Variants in AKR1C8 observed in about 807,000 individuals in gnomAD.
AKR1C8 encodes the protein aldo-keto reductase family 1 member C-like protein 1.
the AKR1C8 span, among the ~76,000 whole-genome samples, chr10:5,156,966 G>A: frequency 6.6e-5 from 10 of 152,248 alleles, no homozygotes; most frequent in African/African-American, 1.9e-4. Context: ...ATTAATACAA[G>A]GTCCAGAGTG....
chr10:5,180,835 C>A, the AKR1C8 span, among the ~76,000 whole-genome samples: 3 of 152,170 alleles, frequency 2.0e-5, no homozygotes, highest in Admixed American at 6.5e-5. Flanking sequence ...TTAAGCCCGT[C>A]GGAAAAGCGC....
At chr10:5,133,972 GA>G in the AKR1C8 span, among the ~76,000 whole-genome samples, 2 of 152,118 alleles carry the variant, frequency 1.3e-5, no homozygotes, top group Non-Finnish European at 2.9e-5. Flanking sequence ...ACTTTTTTAG[GA>G]AAGATATAAT....
At chr10:5,170,330 C>A in the AKR1C8 span, among the ~76,000 whole-genome samples, 1 of 152,070 alleles carries the variant, frequency 6.6e-6, no homozygotes, top group East Asian at 1.9e-4. Context: ...GTTTTTGAAA[C>A]ATAATTTTCT....
At chr10:5,154,401 T>C in the AKR1C8 span, 4 of 229,256 alleles carry the variant, frequency 1.7e-5, no homozygotes, top group East Asian at 2.1e-4. Context: ...ATCATAAAGA[T>C]ACTTGTTAGT....
the AKR1C8 span, among the ~76,000 whole-genome samples, chr10:5,161,174 C>T: frequency 6.6e-6 from 1 of 152,160 alleles, no homozygotes; most frequent in African/African-American, 2.4e-5. Context: ...CAGGTTCCAT[C>T]CTCCACACAT....
the AKR1C8 span, among the ~76,000 whole-genome samples, chr10:5,124,623 A>G: frequency 6.0e-4 from 92 of 152,326 alleles, no homozygotes; most frequent in Non-Finnish European, 1.0e-3. Context: ...TTTAAACAAT[A>G]CAATTGTAAC....
At chr10:5,162,926 T>G in the AKR1C8 span, 1 of 534,698 alleles carries the variant, frequency 1.9e-6, no homozygotes, top group Admixed American at 1.9e-5. Context: ...CTGTCCAACC[T>G]CCTCCTCATT....
chr10:5,174,132 A>G, the AKR1C8 span, among the ~76,000 whole-genome samples: 1 of 151,908 alleles, frequency 6.6e-6, no homozygotes, highest in Admixed American at 6.6e-5. Flanking sequence ...GGCCCTAGAA[A>G]CTGCACATTT....
the AKR1C8 span, among the ~76,000 whole-genome samples, chr10:5,182,792 C>T: frequency 2.0e-4 from 31 of 151,946 alleles, no homozygotes; most frequent in African/African-American, 7.5e-4. Context: ...CACCTGTAGT[C>T]CCAGCTACTC....
the AKR1C8 span, among the ~76,000 whole-genome samples, chr10:5,120,712 T>C: frequency 6.6e-6 from 1 of 152,196 alleles, no homozygotes; most frequent in Non-Finnish European, 1.5e-5. Context: ...AAATGTCTTC[T>C]CTCAGAATCC....
At chr10:5,172,967 A>T in the AKR1C8 span, among the ~76,000 whole-genome samples, 1 of 152,128 alleles carries the variant, frequency 6.6e-6, no homozygotes, top group Non-Finnish European at 1.5e-5. Flanking sequence ...CTAGGAAAAC[A>T]ATTTTTAGGG....
At chr10:5,146,635 C>T in the AKR1C8 span, among the ~76,000 whole-genome samples, 3 of 152,130 alleles carry the variant, frequency 2.0e-5, no homozygotes, top group Non-Finnish European at 4.4e-5. Flanking sequence ...ATATATGATA[C>T]TTTTGAATAG....
At chr10:5,154,798 C>G in the AKR1C8 span, 28,343 of 152,196 alleles carry the variant, frequency 0.19, 3,623 homozygotes, top group East Asian at 0.63. Context: ...TTAGCCTTCT[C>G]TCTCCTTAGT....
At chr10:5,184,774 G>T in the AKR1C8 span, among the ~76,000 whole-genome samples, 2 of 152,116 alleles carry the variant, frequency 1.3e-5, no homozygotes, top group African/African-American at 4.8e-5. Flanking sequence ...TAGAAATAAA[G>T]ATAATATACC....
At chr10:5,161,708 T>C in the AKR1C8 span, 1 of 533,940 alleles carries the variant, frequency 1.9e-6, no homozygotes, top group South Asian at 1.4e-5. Flanking sequence ...TGAAAGATAC[T>C]CACGAAAGTT....
chr10:5,178,594 G>A, the AKR1C8 span, among the ~76,000 whole-genome samples: 86 of 152,200 alleles, frequency 5.7e-4, 2 homozygotes, highest in Admixed American at 4.2e-3. Flanking sequence ...AAAGTCTCCC[G>A]TTATTATTGT....
the AKR1C8 span, among the ~76,000 whole-genome samples, chr10:5,120,938 G>A: frequency 1.3e-5 from 2 of 152,052 alleles, no homozygotes; most frequent in African/African-American, 4.8e-5. Flanking sequence ...ATATTTCCAA[G>A]CCATGCTAAT....
At chr10:5,165,152 A>T in the AKR1C8 span, among the ~76,000 whole-genome samples, 1 of 152,080 alleles carries the variant, frequency 6.6e-6, no homozygotes, top group Non-Finnish European at 1.5e-5. Flanking sequence ...ATAGGGGGTT[A>T]TTTCACCACG....
the AKR1C8 span, among the ~76,000 whole-genome samples, chr10:5,153,633 G>A: frequency 1.3e-5 from 2 of 152,150 alleles, no homozygotes; most frequent in African/African-American, 4.8e-5. Flanking sequence ...GGGAGCAGAC[G>A]CGTCTTCATG....
Sources: gnomAD v4.1 joint callset for allele counts (sites outside exome capture counted in the v4.1 genomes callset) on GRCh38, gnomAD v4.1.1 for gene constraint, MANE v1.5 for transcripts, NCBI Gene and HGNC (gene_info 2026-07-23, HGNC 2026-07-21) for gene names.